FBXO15: variants seen among roughly 807,000 people sequenced by gnomAD.
The protein encoded by FBXO15 is F-box only protein 15.
Under a neutral mutation model 49.5 loss-of-function variants are expected in FBXO15, and 30 were observed. The observed-to-expected ratio is 0.61, with a 90% CI of 0.45 to 0.82. The LOEUF (loss-of-function observed/expected upper bound fraction) is 0.82. Among genes scored for constraint, FBXO15 ranks in the 40% least tolerant of loss-of-function variants. The pLI is 0.00. For missense variants in FBXO15, 591 were observed against 631.5 expected, an observed-to-expected ratio of 0.94 and a Z score of 0.69; for synonymous variants, 250 against 232.7, an observed-to-expected ratio of 1.07 and a Z score of -0.68.
chr18:74,132,810 CA>C (rs770907507), intron 3 of FBXO15, among the ~76,000 whole-genome samples: 1 of 152,164 alleles, frequency 6.6e-6, no homozygotes, highest in African/African-American at 2.4e-5. Context: ...TAGTGTTTGC[CA>C]GAGTACATGG....
At chr18:74,117,123 TATA>T (rs1914265312) in intron 8 of FBXO15, among the ~76,000 whole-genome samples, 2 of 152,102 alleles carry the variant, frequency 1.3e-5, no homozygotes. Flanking sequence ...ATTCTATTTG[TATA>T]ATACTTTTAA....
At chr18:74,084,039 A>T (rs149486398) in intron 8 of FBXO15, among the ~76,000 whole-genome samples, 1 of 152,240 alleles carries the variant, frequency 6.6e-6, no homozygotes, top group African/African-American at 2.4e-5. Context: ...CGGCAGAAAC[A>T]TGATCCAAAC....
chr18:74,143,012 C>T (rs28418616), intron 1 of FBXO15, among the ~76,000 whole-genome samples: 7,300 of 152,184 alleles, frequency 0.048, 607 homozygotes, highest in African/African-American at 0.16. Context: ...GAATTTCTAT[C>T]ATTCCTTCAT....
intron 5 of FBXO15, among the ~76,000 whole-genome samples, chr18:74,127,081 C>A (rs577103309): frequency 6.6e-6 from 1 of 152,202 alleles, no homozygotes; most frequent in Non-Finnish European, 1.5e-5. Flanking sequence ...AGTGACTTTG[C>A]GACTATCACA....
At chr18:74,131,870 C>T (rs983275286) in intron 3 of FBXO15, among the ~76,000 whole-genome samples, 2 of 152,152 alleles carry the variant, frequency 1.3e-5, no homozygotes, top group Admixed American at 1.3e-4. Context: ...GCAGCAGGAC[C>T]CCTGGGGATA....
At chr18:74,127,575 G>T (rs1196690094) in intron 5 of FBXO15, among the ~76,000 whole-genome samples, 1 of 152,192 alleles carries the variant, frequency 6.6e-6, no homozygotes, top group Non-Finnish European at 1.5e-5. Context: ...ATGCGTACAA[G>T]GATTTATATT....
intron 8 of FBXO15, among the ~76,000 whole-genome samples, chr18:74,083,771 G>A (rs773225524): frequency 6.6e-6 from 1 of 152,224 alleles, no homozygotes; most frequent in South Asian, 2.1e-4. Flanking sequence ...TTATAAGACA[G>A]AGAAAGGTTA....
Position 74,135,830 on chromosome 18 carries a change from G to C in FBXO15, c.264C>G (p.Tyr88Ter). Residue 88 changes from tyrosine (Y) to a stop codon, truncating the protein, a stop_gained, in exon 3 of 10, where the codon TAC becomes TAG. Coordinates refer to ENST00000419743, the MANE Select transcript of FBXO15 (RefSeq NM_001142958.2). LOFTEE classifies it high-confidence loss of function. ...PSEILLKIFS[Y>*]LDAVSLLCTG... ...TACACAGAAGGCTCACAGCATCCAA[G>C]TAGGAAAATATCTTCAGCAAGATTT... 1 of 1,612,176 alleles carries C rather than the reference G, an allele frequency of 6.2e-7. No homozygotes were observed.
chr18:74,137,155 A>T (rs1978773086), intron 2 of FBXO15, among the ~76,000 whole-genome samples: 1 of 152,216 alleles, frequency 6.6e-6, no homozygotes, highest in Admixed American at 6.5e-5. Context: ...CTGAGAGTTT[A>T]AACGAAAAGC....
intron 3 of FBXO15, among the ~76,000 whole-genome samples, chr18:74,132,832 C>T (rs111460041): frequency 0.016 from 2,412 of 152,130 alleles, 30 homozygotes; most frequent in Middle Eastern, 0.037. Flanking sequence ...CAAATAAAAC[C>T]CCCTTGTGAT....
intron 1 of FBXO15, among the ~76,000 whole-genome samples, chr18:74,143,116 A>G (rs181646343): frequency 3.4e-4 from 52 of 152,304 alleles, no homozygotes; most frequent in African/African-American, 1.1e-3. Flanking sequence ...CGGAGTCCAC[A>G]CATACCCTAA....
rs553829282 is a variant in FBXO15 at position 74,123,449 on chromosome 18, C to T, written c.1057G>A (p.Gly353Ser). The change falls in exon 8 of 10, where the codon GGC becomes AGC. Residue 353 changes from glycine (G) to serine (S), a missense_variant. Physicochemically the swap from Gly to Ser is moderately conservative, Grantham distance 56. Coordinates refer to ENST00000419743, the MANE Select transcript of FBXO15 (RefSeq NM_001142958.2). ...TGCAGATCAACATGGAGTTGGTAGC[C>T]GTGCAGTCCATACTCGGGGCTATCA... The part of the protein sequence containing the change: ...LDDSPEYGLH[G>S]YQLHVDLHSG... The T allele has an allele frequency of 3.2e-5, 52 of 1,613,840 alleles. No individual in the cohort carries two copies. Among genetic ancestry groups the T allele is most frequent in the South Asian group, 3.1e-4 (28 of 91,046 alleles).
Position 74,075,235 on chromosome 18 carries a change from G to A in FBXO15, c.1264-1505C>T, listed in dbSNP as rs775566470. 3.9e-5 allele frequency among the ~76,000 whole-genome samples: 6 copies of A among 152,106 alleles called. No individual in the cohort carries two copies. Among genetic ancestry groups the A allele is most frequent in the South Asian group, 2.1e-4 (1 of 4,822 alleles). ...GAGGGTGATCTCTGCAGAGAACCTC[G>A]GCCTTCACAGACAGGGGAGAAGGAT... is the stretch of plus-strand genomic sequence containing the variant. On this transcript the variant is annotated intron_variant, in intron 9 of 9. Coordinates refer to ENST00000419743, the MANE Select transcript of FBXO15 (RefSeq NM_001142958.2). The surrounding 1 kb of genome is among the most constrained non-coding windows in gnomAD (Gnocchi z 4.1).
At chr18:74,118,060 G>A (rs1050379499) in intron 8 of FBXO15, among the ~76,000 whole-genome samples, 1 of 150,828 alleles carries the variant, frequency 6.6e-6, no homozygotes, top group Non-Finnish European at 1.5e-5. Context: ...AGGCTGGAGT[G>A]CAGGGTCACA....
intron 8 of FBXO15, among the ~76,000 whole-genome samples, chr18:74,109,990 A>G (rs1207130600): frequency 6.6e-6 from 1 of 152,068 alleles, no homozygotes; most frequent in Non-Finnish European, 1.5e-5. Context: ...ATTTAAAAAA[A>G]AGGAAAACGA....
At chr18:74,145,534 T>C (rs990647571) in intron 1 of FBXO15, among the ~76,000 whole-genome samples, 2 of 151,868 alleles carry the variant, frequency 1.3e-5, no homozygotes, top group South Asian at 2.1e-4. Context: ...ATCTTATCAG[T>C]GTACCTTTTA....
intron 8 of FBXO15, among the ~76,000 whole-genome samples, chr18:74,118,437 C>A (rs1012632264): frequency 1.3e-5 from 2 of 151,314 alleles, no homozygotes; most frequent in Admixed American, 1.3e-4. Context: ...TGTGTATATA[C>A]ACACACACAT....
In FBXO15 at chr18:74,140,214, C is replaced by G; in HGVS notation, c.215G>C (p.Gly72Ala). 6.4e-7 allele frequency: 1 copy of G among 1,551,172 alleles called. No homozygotes were observed. The highest frequency in any genetic ancestry group is 8.7e-7 in the Non-Finnish European group (1 of 1,146,876). The stretch of plus-strand genomic sequence containing the variant: ...TTCTGCTACTTACCCATCCAGGAAC[C>G]CAGAACAGCAGGAGAAAGAGCTCTC... ...HWESSFSCCS[G>A]FLDGMPSEIL... Residue 72 changes from glycine to alanine, a missense_variant, in exon 2 of 10, where the codon GGG becomes GCG. Gly to Ala is a moderately conservative substitution (Grantham distance 60). Coordinates refer to ENST00000419743, the MANE Select transcript of FBXO15 (RefSeq NM_001142958.2).
intron 8 of FBXO15, 51 bp from the exon 9 acceptor site, chr18:74,082,102 A>T (rs1269218543): frequency 8.8e-6 from 14 of 1,592,498 alleles, no homozygotes; most frequent in Non-Finnish European, 1.1e-5. Context: ...GCAAGATGAC[A>T]AACCAAGCAC....
Sources: allele counts gnomAD v4.1 joint callset (sites outside exome capture counted in the v4.1 genomes callset), GRCh38; gene constraint gnomAD v4.1.1; non-coding constraint Gnocchi (gnomAD v3.1); transcripts MANE v1.5; gene names NCBI Gene and HGNC (gene_info 2026-07-23, HGNC 2026-07-21).